Variants in RALGAPA2 observed in about 807,000 individuals in gnomAD.
RALGAPA2 encodes ral GTPase-activating protein subunit alpha-2.
In RALGAPA2, 139 loss-of-function variants were observed where a neutral mutation model predicts 230.4. The ratio of observed to expected loss-of-function variants is 0.60; its 90% CI spans 0.53 to 0.69. RALGAPA2 has a LOEUF of 0.69. Among genes scored for constraint, RALGAPA2 ranks in the 30% least tolerant of loss-of-function variants. The pLI is 0.00. For synonymous variants in RALGAPA2, 847 were observed against 837.8 expected (o/e 1.01, Z -0.19); for missense variants, 2,163 against 2,276.0 (o/e 0.95, Z 1.01).
rs574197296 is a variant in RALGAPA2, at chr20:20,465,768, C to T, written c.5495+7061G>A. The stretch of plus-strand genomic sequence containing the variant: ...ACCAAGAGTGGAGGGCAGCTCCTAC[C>T]CCAGGGAACCAGCCTTTCACACAGA... On this transcript the variant is annotated intron_variant, in intron 37 of 39. Coordinates refer to ENST00000202677, the MANE Select transcript of RALGAPA2 (RefSeq NM_020343.4). Among the ~76,000 whole-genome samples, 17 of 152,282 alleles carry T rather than the reference C, an allele frequency of 1.1e-4. 1 individual carries two copies. In the South Asian group the frequency reaches 2.3e-3, roughly 20 times the overall value.
intron 24 of RALGAPA2, among the ~76,000 whole-genome samples, chr20:20,541,771 A>G (rs2063649091): frequency 6.6e-6 from 1 of 152,212 alleles, no homozygotes; most frequent in Admixed American, 6.5e-5. Context: ...AGCCAACTGT[A>G]TATCTGTAAG....
rs901636951 is a variant in RALGAPA2 at position 20,605,083 on chromosome 20, A to G, written c.2038+92T>C. ...CACTGTGTAGTTGGTTCAGTTCATTATAAAATTTCGCGCATTAATTGCTTA... is the reference window on the plus strand; with the variant it reads ...CACTGTGTAGTTGGTTCAGTTCATTGTAAAATTTCGCGCATTAATTGCTTA... On this transcript the variant is annotated intron_variant, in intron 15 of 39. Transcript: ENST00000202677. 6 of 1,062,636 alleles carry G rather than the reference A, an allele frequency of 5.6e-6. No homozygotes were observed. In the Admixed American group the frequency reaches 1.2e-4, roughly 22 times the overall value. The allele number at this position is 1,062,636 out of a possible 1,614,324, so 65.8% of individuals were successfully genotyped here.
chr20:20,583,022 A>C, intron 20 of RALGAPA2, 28 bp downstream of exon 20: 2 of 1,604,146 alleles, frequency 1.2e-6, no homozygotes, highest in Non-Finnish European at 1.7e-6. Context: ...TGTTTGCATT[A>C]GTGCCTCTTT....
intron 37 of RALGAPA2, among the ~76,000 whole-genome samples, chr20:20,416,949 T>C (rs1475014136): frequency 6.6e-6 from 1 of 152,204 alleles, no homozygotes; most frequent in African/African-American, 2.4e-5. Context: ...CTGTAACAGT[T>C]TGCGTACCCA....
chr20:20,694,259 T>C (rs1206321363), intron 1 of RALGAPA2, among the ~76,000 whole-genome samples: 1 of 152,148 alleles, frequency 6.6e-6, no homozygotes, highest in African/African-American at 2.4e-5. Context: ...TCACAGAACT[T>C]AATAGTTATT....
chr20:20,405,750 C>T (rs1391868831), intron 38 of RALGAPA2, among the ~76,000 whole-genome samples: 5 of 152,184 alleles, frequency 3.3e-5, no homozygotes, highest in Non-Finnish European at 7.3e-5. Flanking sequence ...TTCTCCACAC[C>T]GGCTTCTTAT....
At chr20:20,610,892 T>C (rs976231999) in intron 14 of RALGAPA2, among the ~76,000 whole-genome samples, 2 of 152,142 alleles carry the variant, frequency 1.3e-5, no homozygotes, top group Non-Finnish European at 2.9e-5. Context: ...CTGGCCACCC[T>C]TTCTCAGCAT....
rs767696327 is a variant in RALGAPA2 at position 20,495,243 on chromosome 20, G to T, written c.5241C>A (p.Ile1747=). ...AGTCTCTGGAGTGTTCAGACCAGAC[G>T]ATATGGACCTCGTCATTCCCCAAGT... ...LRHLGNDEVH[I]VWSEHSRDYR... Residue 1747 remains isoleucine (I), a synonymous_variant, in exon 36 of 40, where the codon ATC becomes ATA. Transcript: ENST00000202677. The T allele has an allele frequency of 1.3e-6, 2 of 1,555,332 alleles. No homozygotes were observed. The highest frequency in any genetic ancestry group is 2.7e-5 in the African/African-American group (2 of 74,008).
intron 33 of RALGAPA2, among the ~76,000 whole-genome samples, chr20:20,509,566 T>C (rs1373763846): frequency 6.6e-6 from 1 of 152,210 alleles, no homozygotes; most frequent in Non-Finnish European, 1.5e-5. Flanking sequence ...GGAACAGCCA[T>C]CCTGTCACAT....
At chr20:20,541,649 T>G (rs576538363) in intron 24 of RALGAPA2, among the ~76,000 whole-genome samples, 1 of 152,266 alleles carries the variant, frequency 6.6e-6, no homozygotes, top group East Asian at 1.9e-4. Flanking sequence ...TGGGGTGCAA[T>G]GTAAAGCTCT....
Position 20,570,923 on chromosome 20 carries a change from A to T in RALGAPA2, c.3156+535T>A, listed in dbSNP as rs1472750417. ...CCCAAACCTAGGGCCTACAAGGAGG[A>T]AGAGGTAGCTAGTGGCTCCTTGGGC... On this transcript the variant is annotated intron_variant, in intron 23 of 39. Transcript: ENST00000202677. 2.6e-5 allele frequency among the ~76,000 whole-genome samples: 4 copies of T among 152,214 alleles called. No homozygotes were observed. The South Asian group carries it at 8.3e-4, about 31-fold the overall frequency.
chr20:20,658,410 A>G (rs1046935617), intron 3 of RALGAPA2, among the ~76,000 whole-genome samples: 67 of 152,198 alleles, frequency 4.4e-4, no homozygotes, highest in African/African-American at 1.6e-3. Context: ...GACAAATACA[A>G]TCTGGCATTT....
At chr20:20,684,697 CCT>C (rs1555823870) in intron 1 of RALGAPA2, among the ~76,000 whole-genome samples, 1 of 152,180 alleles carries the variant, frequency 6.6e-6, no homozygotes, top group Non-Finnish European at 1.5e-5. Context: ...CACAATTCCC[CCT>C]GACAGCACTT....
chr20:20,504,675 G>A (rs1186063491), intron 34 of RALGAPA2, among the ~76,000 whole-genome samples: 1 of 151,870 alleles, frequency 6.6e-6, no homozygotes, highest in Non-Finnish European at 1.5e-5. Flanking sequence ...GCAGTGAGCC[G>A]AGATTGTGCG....
intron 37 of RALGAPA2, among the ~76,000 whole-genome samples, chr20:20,433,202 A>G (rs953747600): frequency 2.0e-5 from 3 of 152,218 alleles, no homozygotes; most frequent in Non-Finnish European, 4.4e-5. Flanking sequence ...ACAAAATCCT[A>G]TGAAGAAAGT....
intron 36 of RALGAPA2, among the ~76,000 whole-genome samples, chr20:20,487,671 G>T (rs2061946838): frequency 6.6e-6 from 1 of 152,160 alleles, no homozygotes; most frequent in Non-Finnish European, 1.5e-5. Context: ...CACTTTGGGA[G>T]GCTGAGGTGA....
intron 16 of RALGAPA2, among the ~76,000 whole-genome samples, chr20:20,591,945 T>A (rs2065303926): frequency 6.6e-6 from 1 of 152,092 alleles, no homozygotes; most frequent in South Asian, 2.1e-4. Flanking sequence ...CACAGGATAA[T>A]CTCAGTATTA....
chr20:20,668,239 C>T (rs2068021789), intron 3 of RALGAPA2, among the ~76,000 whole-genome samples: 1 of 152,048 alleles, frequency 6.6e-6, no homozygotes, highest in Admixed American at 6.6e-5. Context: ...CTCATCTCTA[C>T]TAAGAATACA....
chr20:20,404,920 C>A (rs2059915180), intron 38 of RALGAPA2, among the ~76,000 whole-genome samples: 2 of 152,346 alleles, frequency 1.3e-5, no homozygotes, highest in Admixed American at 1.3e-4. Flanking sequence ...TTCTGGGAAC[C>A]TATGAATACT....
Sources: allele counts gnomAD v4.1 joint callset (sites outside exome capture counted in the v4.1 genomes callset), GRCh38; gene constraint gnomAD v4.1.1; transcripts MANE v1.5; gene names NCBI Gene and HGNC (gene_info 2026-07-23, HGNC 2026-07-21).